GBF1: variants seen among roughly 807,000 people sequenced by gnomAD.
The protein encoded by GBF1 is Golgi-specific brefeldin A-resistance guanine nucleotide exchange factor 1.
GBF1 carries 114 observed loss-of-function variants against 210.5 expected under a neutral mutation model. That is an observed-to-expected ratio of 0.54 (90% CI 0.47 to 0.63). The LOEUF (loss-of-function observed/expected upper bound fraction) is 0.63. Ranked by LOEUF, GBF1 falls within the 30% of genes least tolerant of loss-of-function variation. The probability of loss-of-function intolerance (pLI) is 0.00; values close to 1 mark genes in which losing one functional copy is unlikely to be tolerated. For missense variants in GBF1, 1,851 were observed against 2,357.7 expected (o/e 0.79, Z 4.45); for synonymous variants, 850 against 889.2 (o/e 0.96, Z 0.78).
At chr10:102,300,269 G>T (rs2077228875) in intron 3 of GBF1, among the ~76,000 whole-genome samples, 1 of 152,226 alleles carries the variant, frequency 6.6e-6, no homozygotes, top group African/African-American at 2.4e-5. Context: ...GGAGCTGGAA[G>T]TGGTTCTTAT....
chr10:102,234,236 A>G, the GBF1 span, among the ~76,000 whole-genome samples: 27 of 152,164 alleles, frequency 1.8e-4, no homozygotes, highest in Non-Finnish European at 3.2e-4. Context: ...GCCCCCTTCA[A>G]CAGCTCAGAG....
intron 3 of GBF1, among the ~76,000 whole-genome samples, chr10:102,270,569 A>G (rs1297080283): frequency 6.6e-6 from 1 of 152,196 alleles, no homozygotes; most frequent in East Asian, 1.9e-4. Flanking sequence ...TATTTGCTTT[A>G]TCCGTATATG....
At chr10:102,330,424 C>A (rs1777722598) in intron 3 of GBF1, among the ~76,000 whole-genome samples, 1 of 152,026 alleles carries the variant, frequency 6.6e-6, no homozygotes, top group Admixed American at 6.6e-5. Context: ...TGGCTCACAC[C>A]TATAATCCCA....
intron 17 of GBF1, among the ~76,000 whole-genome samples, chr10:102,365,179 G>A (rs1238848820): frequency 6.6e-6 from 1 of 152,176 alleles, no homozygotes; most frequent in Admixed American, 6.5e-5. Context: ...GAGCACTCAG[G>A]AAAGGAGTAA....
upstream of GBF1, among the ~76,000 whole-genome samples, chr10:102,242,408 C>T (rs2070559874): frequency 6.6e-6 from 1 of 152,204 alleles, no homozygotes; most frequent in Admixed American, 6.5e-5. Context: ...GCTGTGCTCT[C>T]CCTCCTTCAG....
chr10:102,309,480 G>C (rs1349749151), intron 3 of GBF1, among the ~76,000 whole-genome samples: 1 of 152,206 alleles, frequency 6.6e-6, no homozygotes, highest in African/African-American at 2.4e-5. Flanking sequence ...TACCCCATCA[G>C]GGTCAGTCCC....
chr10:102,353,534 G>A (rs989506346), intron 7 of GBF1, 66 bp from the exon 8 acceptor site: 7 of 1,105,712 alleles, frequency 6.3e-6, no homozygotes, highest in African/African-American at 6.1e-5. Flanking sequence ...TTTGGTTTGT[G>A]GCTGGCATGG....
intron 3 of GBF1, among the ~76,000 whole-genome samples, chr10:102,324,299 C>T (rs540206927): frequency 1.3e-5 from 2 of 152,332 alleles, no homozygotes; most frequent in Admixed American, 1.3e-4. Flanking sequence ...GTCAGAGCCA[C>T]AGCATGTGTT....
rs750265235 is a variant in GBF1 at position 102,366,806 on chromosome 10, G to A, written c.2434-279G>A. Among the ~76,000 whole-genome samples, 1 of 151,968 alleles carries A rather than the reference G, an allele frequency of 6.6e-6. No individual in the cohort carries two copies. The highest frequency in any genetic ancestry group is 6.6e-5 in the Admixed American group (1 of 15,240). On this transcript the variant is annotated intron_variant, in intron 19 of 39. Transcript: ENST00000369983. The surrounding 1 kb of genome is among the most constrained non-coding windows in gnomAD (Gnocchi z 4.0). ...TTGCCATGTTGGTCAGGCTGGTCTCGAACTCCTGATCTCGGGTGATCCGCC... is the reference window on the plus strand; with the variant it reads ...TTGCCATGTTGGTCAGGCTGGTCTCAAACTCCTGATCTCGGGTGATCCGCC...
chr10:102,382,623 C>T lies in GBF1; in HGVS notation c.*287C>T, dbSNP rs2135405977. On this transcript the variant is annotated 3_prime_UTR_variant, in exon 40 of 40. Coordinates refer to ENST00000369983, the MANE Select transcript of GBF1 (RefSeq NM_001377137.1). ...CAGCCCGGCAGCTCTGGGGAGGCAT[C>T]CGTGTGCCGGCCCTGCAGTGCCTGC... The T allele has an allele frequency of 2.6e-6, 1 of 388,636 alleles. No homozygotes were observed. Among genetic ancestry groups the T allele is most frequent in the Non-Finnish European group, 4.6e-6 (1 of 216,808 alleles). 24.1% of individuals were successfully genotyped at this position (388,636 alleles called of 1,614,324 possible).
At chr10:102,288,162 A>C (rs987590870) in intron 3 of GBF1, among the ~76,000 whole-genome samples, 2 of 152,188 alleles carry the variant, frequency 1.3e-5, no homozygotes, top group African/African-American at 4.8e-5. Flanking sequence ...TGGGACATCC[A>C]TGGCAGCTGG....
chr10:102,342,389 GCACACA>G (rs144630206), intron 3 of GBF1, among the ~76,000 whole-genome samples: 11 of 144,010 alleles, frequency 7.6e-5, no homozygotes, highest in South Asian at 2.2e-4. Flanking sequence ...TCACACACAC[GCACACA>G]CACACACACA....
At chr10:102,360,471 G>T (rs747326069) in intron 12 of GBF1, 76 bp downstream of exon 12, 6 of 984,676 alleles carry the variant, frequency 6.1e-6, no homozygotes, top group African/African-American at 4.8e-5. Flanking sequence ...GGCTGATTAC[G>T]CAAAGAGTAT....
chr10:102,236,933 G>A, the GBF1 span, among the ~76,000 whole-genome samples: 1 of 152,220 alleles, frequency 6.6e-6, no homozygotes. Flanking sequence ...CATTAGGGAC[G>A]CTGAGCACCC....
In GBF1 at chr10:102,363,731, A is replaced by G; in HGVS notation, c.2039A>G (p.Lys680Arg). The change falls in exon 17 of 40, where the codon AAG (lysine) becomes AGG (arginine). Residue 680 changes from lysine (K) to arginine (R), a missense_variant. By Grantham distance (26) the Lys-to-Arg change is conservative (BLOSUM62 2). Transcript: ENST00000369983. This position sits in a 1 kb window ranked among gnomAD's most constrained non-coding sequence, Gnocchi z 4.2. The stretch of plus-strand genomic sequence containing the variant: ...CTAGCTGACAAAAAGTTTGCCCGGA[A>G]GCCACCCCGATTTTCCTGTCTCCTG... ...DSGADKKFARKPPRFSCLLPD... is the reference protein window; with the variant it reads ...DSGADKKFARRPPRFSCLLPD... The G allele has an allele frequency of 6.2e-7, 1 of 1,613,212 alleles. No individual in the cohort carries two copies.
intron 3 of GBF1, among the ~76,000 whole-genome samples, chr10:102,322,025 A>AT (rs1162497152): frequency 6.6e-6 from 1 of 151,996 alleles, no homozygotes; most frequent in Non-Finnish European, 1.5e-5. Context: ...CGCCCAGGTA[A>AT]TTTTTTGTAT....
chr10:102,358,585 T>C lies in GBF1; in HGVS notation c.867T>C (p.Ser289=). ...SEAASAVVSP[S]TDSGLEFSSQ... ...CTGCCTCAGCAGTGGTCAGTCCCTC[T>C]ACAGACAGTGGCCTGGAATTCTCCT... Residue 289 remains serine (S), a synonymous_variant, in exon 10 of 40, where the codon TCT becomes TCC. Coordinates refer to ENST00000369983, the MANE Select transcript of GBF1 (RefSeq NM_001377137.1). The C allele has an allele frequency of 6.2e-7, 1 of 1,613,918 alleles. No individual in the cohort carries two copies. Among genetic ancestry groups the C allele is most frequent in the Non-Finnish European group, 8.5e-7 (1 of 1,179,796 alleles).
chr10:102,288,734 A>C (rs1017430976), intron 3 of GBF1, among the ~76,000 whole-genome samples: 3 of 145,988 alleles, frequency 2.1e-5, no homozygotes, highest in East Asian at 2.1e-4. Context: ...AAAAAAAAAA[A>C]ACAAAAAAAA....
At chr10:102,357,247 G>A (rs2059341629) in intron 8 of GBF1, among the ~76,000 whole-genome samples, 1 of 152,166 alleles carries the variant, frequency 6.6e-6, no homozygotes, top group African/African-American at 2.4e-5. Context: ...AGCACTTTGG[G>A]AGGCTGGGGC....
Sources: allele counts gnomAD v4.1 joint callset (sites outside exome capture counted in the v4.1 genomes callset), GRCh38; gene constraint gnomAD v4.1.1; non-coding constraint Gnocchi (gnomAD v3.1); transcripts MANE v1.5; gene names NCBI Gene and HGNC (gene_info 2026-07-23, HGNC 2026-07-21).